TOMM40: variants seen among roughly 807,000 people sequenced by gnomAD.
TOMM40 encodes mitochondrial import receptor subunit TOM40 homolog.
In TOMM40, 9 loss-of-function variants were observed where a neutral mutation model predicts 38.4. The observed-to-expected ratio is 0.23, with a 90% CI of 0.14 to 0.41. The LOEUF (loss-of-function observed/expected upper bound fraction) is 0.41. TOMM40 is among the 10% of genes least tolerant of loss of function. The pLI is 1.00. For synonymous variants in TOMM40, 184 were observed against 210.0 expected (o/e 0.88, Z 1.07); for missense variants, 299 against 486.5 (o/e 0.61, Z 3.63).
Position 44,900,738 on chromosome 19 carries a change from G to A in TOMM40, c.652G>A (p.Val218Ile), listed in dbSNP as rs781291864. 6.6e-5 allele frequency: 106 copies of A among 1,612,242 alleles called. 1 individual carries two copies. The highest frequency in any genetic ancestry group is 6.7e-5 in the East Asian group (3 of 44,894). ...PDVLVGSGILVAHYLQSITPC... is the reference protein window; with the variant it reads ...PDVLVGSGILIAHYLQSITPC... ...CGTCATTTTGCCCACAGGAATCCTC[G>A]TAGCCCACTACCTCCAGAGCATCAC... Residue 218 changes from valine to isoleucine, a missense_variant, in exon 6 of 9, where the codon GTA (valine) becomes ATA (isoleucine). By Grantham distance (29) the Val-to-Ile change is conservative. Transcript: ENST00000426677.
chr19:44,900,941 A>G, intron 6 of TOMM40, 87 bp from the exon 7 acceptor site: 7 of 1,609,440 alleles, frequency 4.3e-6, no homozygotes, highest in Non-Finnish European at 5.9e-6. Flanking sequence ...GGCCCTGGAC[A>G]CTCAGGTCTG....
intron 3 of TOMM40, 87 bp downstream of exon 3, chr19:44,893,016 A>G: frequency 8.9e-7 from 1 of 1,129,510 alleles, no homozygotes; most frequent in South Asian, 1.5e-5. Flanking sequence ...TCATCAGGAA[A>G]AGGTCACAGC....
chr19:44,902,982 G>T (rs778806196), intron 8 of TOMM40, 48 bp from the exon 9 acceptor site: 1 of 1,594,114 alleles, frequency 6.3e-7, no homozygotes, highest in Non-Finnish European at 8.5e-7. Context: ...ACTCTGCATG[G>T]ATATGGTGGG....
intron 8 of TOMM40, 62 bp from the exon 9 acceptor site, chr19:44,902,968 A>G: frequency 1.9e-6 from 3 of 1,570,892 alleles, no homozygotes; most frequent in Non-Finnish European, 2.6e-6. Context: ...CAAGGTGGCC[A>G]GGAACTCTGC....
chr19:44,892,966 T>C (rs762225300), intron 3 of TOMM40, 37 bp downstream of exon 3: 29 of 1,550,706 alleles, frequency 1.9e-5, no homozygotes, highest in Non-Finnish European at 2.6e-5. Flanking sequence ...TGTATCCTTC[T>C]AATAACAAAT....
chr19:44,899,782 T>C (rs1969642051), intron 5 of TOMM40, among the ~76,000 whole-genome samples: 1 of 146,398 alleles, frequency 6.8e-6, no homozygotes, highest in South Asian at 2.2e-4. Flanking sequence ...CATGAGCCAT[T>C]GCATCTGGCT....
At position 44,891,306 on chromosome 19, in the gene TOMM40, C is replaced by T. The variant is rs540164111; in HGVS notation, c.-110C>T. On this transcript the variant is annotated 5_prime_UTR_variant, in exon 1 of 9. Transcript: ENST00000426677. ...GCGGAGCCCAGGCCGGGAGCAGGCGCCGCCGCCAGTGAGAACCGGGGCCGG... is the reference window on the plus strand; with the variant it reads ...GCGGAGCCCAGGCCGGGAGCAGGCGTCGCCGCCAGTGAGAACCGGGGCCGG... The T allele has an allele frequency of 2.5e-4, 301 of 1,201,316 alleles. 4 individuals are homozygous for T. In the South Asian group the frequency reaches 0.011, roughly 45 times the overall value. 74.4% of individuals were successfully genotyped at this position (1,201,316 alleles called of 1,614,324 possible). A position where few individuals can be genotyped will look rare whatever the true frequency, so the allele number is the denominator to read the frequency against.
intron 2 of TOMM40, 114 bp from the exon 3 acceptor site, chr19:44,892,723 C>T: frequency 1.1e-6 from 1 of 895,458 alleles, no homozygotes; most frequent in Non-Finnish European, 1.8e-6. Context: ...GTCTCTTAGT[C>T]AGGCCGTGCC....
At chr19:44,895,910 C>T (rs539060449) in intron 5 of TOMM40, among the ~76,000 whole-genome samples, 1 of 152,294 alleles carries the variant, frequency 6.6e-6, no homozygotes, top group South Asian at 2.1e-4. Context: ...AGGACCGACG[C>T]ACACTCTGTC....
intron 5 of TOMM40, among the ~76,000 whole-genome samples, chr19:44,900,121 C>T (rs990540995): frequency 6.6e-6 from 1 of 152,164 alleles, no homozygotes; most frequent in African/African-American, 2.4e-5. Flanking sequence ...TCTTGTTCAG[C>T]AAGCACTCCC....
intron 3 of TOMM40, 62 bp from the exon 4 acceptor site, chr19:44,893,718 C>T (rs143950225): frequency 3.6e-6 from 5 of 1,400,838 alleles, no homozygotes; most frequent in East Asian, 5.1e-5. Flanking sequence ...CTCACCCCGG[C>T]CCATCTCACA....
chr19:44,893,949 T>G lies in TOMM40; in HGVS notation c.538-12T>G. The G allele has an allele frequency of 6.3e-7, 1 of 1,585,810 alleles. No individual in the cohort carries two copies. Among genetic ancestry groups the G allele is most frequent in the Non-Finnish European group, 8.6e-7 (1 of 1,164,234 alleles). On this transcript the variant is annotated splice_polypyrimidine_tract_variant and intron_variant, in intron 4 of 8. Transcript: ENST00000426677. ...AGCAGGGAGCCGCCCTCACACCCCC[T>G]CCTCTCCACAGACCCAGCAGTCGAA...
chr19:44,895,150 G>C (rs980498558), intron 5 of TOMM40, among the ~76,000 whole-genome samples: 3 of 152,164 alleles, frequency 2.0e-5, no homozygotes, highest in African/African-American at 7.2e-5. Flanking sequence ...AATGACTCGT[G>C]CAGGCGGGGA....
chr19:44,901,199 C>G lies in TOMM40; in HGVS notation c.844-9C>G. ...TGCTAATTCTCATGTGTTGCTCCGG[C>G]CCCTCCAGCTGCAGGTGGGTGTGGA... On this transcript the variant is annotated splice_polypyrimidine_tract_variant and intron_variant, in intron 7 of 8. Transcript: ENST00000426677. The G allele has an allele frequency of 6.2e-7, 1 of 1,614,000 alleles. No individual in the cohort carries two copies. Among genetic ancestry groups the G allele is most frequent in the Non-Finnish European group, 8.5e-7 (1 of 1,179,904 alleles).
At chr19:44,896,025 G>C (rs1385768153) in intron 5 of TOMM40, among the ~76,000 whole-genome samples, 1 of 152,188 alleles carries the variant, frequency 6.6e-6, no homozygotes, top group Non-Finnish European at 1.5e-5. Context: ...GCAAGGCCAA[G>C]AGGAGGTTCT....
At position 44,893,989 on chromosome 19, in the gene TOMM40, A is replaced by G; in HGVS notation, c.566A>G (p.Gln189Arg). 1 of 1,556,766 alleles carries G rather than the reference A, an allele frequency of 6.4e-7. No individual in the cohort carries two copies. The highest frequency in any genetic ancestry group is 8.7e-7 in the Non-Finnish European group (1 of 1,148,580). The change falls in exon 5 of 9, where the codon CAG becomes CGG. Residue 189 changes from glutamine (Q) to arginine (R), a missense_variant. Gln to Arg is a conservative substitution (Grantham distance 43). Transcript: ENST00000426677. ...CAGCAGTCGAAGTTTGTGAACTGGC[A>G]GGTGGACGGGGAGTATCGGGGCTCT... ...QTQQSKFVNWQVDGEYRGSDF... is the reference protein window; with the variant it reads ...QTQQSKFVNWRVDGEYRGSDF...
Position 44,898,322 on chromosome 19 carries a change from T to C in TOMM40, c.644-2408T>C, listed in dbSNP as rs137983845. 5.9e-3 allele frequency among the ~76,000 whole-genome samples: 889 copies of C among 151,946 alleles called. 10 individuals carry two copies. The highest frequency in any genetic ancestry group is 0.02 in the African/African-American group (844 of 41,376). ...GTCTGGGAAGCATCTTCGCACCTGC[T>C]TTGCTCTGTGCTGTCTCAGCTTCTC... On this transcript the variant is annotated intron_variant, in intron 5 of 8. Coordinates refer to ENST00000426677, the MANE Select transcript of TOMM40 (RefSeq NM_001128917.2).
At position 44,901,686 on chromosome 19, in the gene TOMM40, G is replaced by A. The variant is rs796346381; in HGVS notation, c.946+376G>A. On this transcript the variant is annotated intron_variant, in intron 8 of 8. Transcript: ENST00000426677. ...CAGGAGGCGGAGCTTGCGGTGAGCC[G>A]AGATCGTGCCACCGCACTCCAGCCT... 74 of 328,610 alleles carry A rather than the reference G, an allele frequency of 2.3e-4. 1 individual carries two copies. The highest frequency in any genetic ancestry group is 1.2e-3 in the African/African-American group (56 of 47,548). The allele number at this position is 328,610 out of a possible 1,614,324, so 20.4% of individuals were successfully genotyped here.
chr19:44,891,352 G>C lies in TOMM40; in HGVS notation c.-64G>C. 1.6e-6 allele frequency: 2 copies of C among 1,225,370 alleles called. No homozygotes were observed. Among genetic ancestry groups the C allele is most frequent in the Non-Finnish European group, 2.0e-6 (2 of 982,346 alleles). 75.9% of individuals were successfully genotyped at this position (1,225,370 alleles called of 1,614,324 possible). On this transcript the variant is annotated 5_prime_UTR_variant, in exon 1 of 9. Coordinates refer to ENST00000426677, the MANE Select transcript of TOMM40 (RefSeq NM_001128917.2). ...GCCGGAGCCGGGTGCGGATTTGCTG[G>C]GGCTGAGTCGGGGGCGCGCGGGCCC...
Sources: allele counts gnomAD v4.1 joint callset (sites outside exome capture counted in the v4.1 genomes callset), GRCh38; gene constraint gnomAD v4.1.1; transcripts MANE v1.5; gene names NCBI Gene and HGNC (gene_info 2026-07-23, HGNC 2026-07-21).